SPATA16: variants seen among roughly 807,000 people sequenced by gnomAD.
SPATA16 encodes spermatogenesis-associated protein 16.
SPATA16 carries 36 observed loss-of-function variants against 63.3 expected under a neutral mutation model. That is an observed-to-expected ratio of 0.57 (90% CI 0.44 to 0.75). The LOEUF (loss-of-function observed/expected upper bound fraction) is 0.75. Among genes scored for constraint, SPATA16 ranks in the 30% least tolerant of loss-of-function variants. SPATA16 has a pLI of 0.00. For missense variants in SPATA16, 646 were observed against 679.3 expected (o/e 0.95, Z 0.54); for synonymous variants, 203 against 216.7 (o/e 0.94, Z 0.56).
intron 4 of SPATA16, among the ~76,000 whole-genome samples, chr3:173,002,081 T>C (rs955415499): frequency 1.3e-5 from 2 of 152,310 alleles, no homozygotes; most frequent in South Asian, 2.1e-4. Flanking sequence ...TGCATAGATA[T>C]TCATTTAATT....
intron 2 of SPATA16, among the ~76,000 whole-genome samples, chr3:173,061,325 A>G (rs1425017057): frequency 6.6e-6 from 1 of 152,230 alleles, no homozygotes; most frequent in Non-Finnish European, 1.5e-5. Context: ...TCTAGTTGCA[A>G]GGGTCCTGTG....
chr3:173,134,645 G>A (rs1738490536), intron 1 of SPATA16, among the ~76,000 whole-genome samples: 1 of 152,062 alleles, frequency 6.6e-6, no homozygotes, highest in Non-Finnish European at 1.5e-5. Context: ...ATGTTTCCTG[G>A]ACTTCCCAGC....
At chr3:173,126,355 G>A (rs947684839) in intron 1 of SPATA16, among the ~76,000 whole-genome samples, 1 of 152,180 alleles carries the variant, frequency 6.6e-6, no homozygotes, top group Non-Finnish European at 1.5e-5. Flanking sequence ...TGGAAGTAGA[G>A]GAAGTAATGT....
At chr3:173,104,599 A>T (rs781523985) in intron 2 of SPATA16, among the ~76,000 whole-genome samples, 2 of 152,084 alleles carry the variant, frequency 1.3e-5, no homozygotes, top group African/African-American at 2.4e-5. Context: ...AAATAACCAG[A>T]TCTCTTGAGA....
At chr3:173,107,898 A>G (rs888262048) in intron 2 of SPATA16, among the ~76,000 whole-genome samples, 5 of 152,296 alleles carry the variant, frequency 3.3e-5, no homozygotes, top group Middle Eastern at 3.4e-3. Context: ...AGTCAGAATC[A>G]TCTGACTTAA....
intron 2 of SPATA16, among the ~76,000 whole-genome samples, chr3:173,112,644 T>C (rs1315430974): frequency 6.6e-6 from 1 of 152,234 alleles, no homozygotes; most frequent in Non-Finnish European, 1.5e-5. Flanking sequence ...ATGTAAAATA[T>C]AGTAGCTGGC....
chr3:173,015,861 GGTGTGTGTGTGT>G (rs57049586), intron 4 of SPATA16, among the ~76,000 whole-genome samples: 1 of 148,846 alleles, frequency 6.7e-6, no homozygotes, highest in Non-Finnish European at 1.5e-5. Flanking sequence ...TCCCAAATGG[GGTGTGTGTGTGT>G]GTGTGTGTGT....
chr3:173,090,859 A>C (rs1737204105), intron 2 of SPATA16, among the ~76,000 whole-genome samples: 2 of 152,202 alleles, frequency 1.3e-5, no homozygotes, highest in Non-Finnish European at 2.9e-5. Context: ...ATGGGACCAG[A>C]AGAGTGGCAA....
chr3:173,012,149 G>A (rs926807949), intron 4 of SPATA16, among the ~76,000 whole-genome samples: 6 of 152,078 alleles, frequency 3.9e-5, no homozygotes, highest in Non-Finnish European at 5.9e-5. Context: ...TAATGTTCAA[G>A]CTCAGAGTCA....
intron 2 of SPATA16, among the ~76,000 whole-genome samples, chr3:173,103,101 G>A (rs1188595649): frequency 1.3e-5 from 2 of 152,240 alleles, no homozygotes; most frequent in African/African-American, 2.4e-5. Context: ...CCCAATATAA[G>A]GGGTGGGCTC....
intron 3 of SPATA16, among the ~76,000 whole-genome samples, chr3:173,041,831 A>T (rs1678914109): frequency 6.6e-6 from 1 of 152,102 alleles, no homozygotes; most frequent in Non-Finnish European, 1.5e-5. Flanking sequence ...GAGGGATAGC[A>T]TTAGGAGATA....
At chr3:173,079,724 TC>T (rs1736882954) in intron 2 of SPATA16, among the ~76,000 whole-genome samples, 1 of 152,158 alleles carries the variant, frequency 6.6e-6, no homozygotes, top group African/African-American at 2.4e-5. Flanking sequence ...TAAACTAAAA[TC>T]ACTCTAATTT....
chr3:173,116,157 G>T (rs569379684), intron 2 of SPATA16, among the ~76,000 whole-genome samples: 9 of 152,250 alleles, frequency 5.9e-5, no homozygotes, highest in African/African-American at 1.4e-4. Flanking sequence ...TTCCCAAAGT[G>T]CTGGGACTAC....
chr3:173,061,245 A>G (rs1369151101), intron 2 of SPATA16, among the ~76,000 whole-genome samples: 1 of 152,244 alleles, frequency 6.6e-6, no homozygotes, highest in African/African-American at 2.4e-5. Context: ...GATACTAACT[A>G]GGGGATAAAA....
At chr3:172,982,473 G>A (rs1188792780) in intron 4 of SPATA16, among the ~76,000 whole-genome samples, 1 of 152,172 alleles carries the variant, frequency 6.6e-6, no homozygotes, top group East Asian at 1.9e-4. Context: ...TCAGTCATAT[G>A]TCAGCAGTTA....
intron 1 of SPATA16, among the ~76,000 whole-genome samples, chr3:173,120,098 AAAAG>A (rs1316464299): frequency 6.6e-6 from 1 of 151,936 alleles, no homozygotes. Context: ...AAAAAAAAAA[AAAAG>A]AGAGAGAAAA....
intron 5 of SPATA16, among the ~76,000 whole-genome samples, chr3:172,960,424 C>T (rs1469679074): frequency 1.1e-4 from 16 of 152,132 alleles, no homozygotes. Context: ...AAGTGTTTAC[C>T]TTTGGGAGTT....
At chr3:173,023,722 A>G (rs1172419388) in intron 3 of SPATA16, among the ~76,000 whole-genome samples, 2 of 151,644 alleles carry the variant, frequency 1.3e-5, no homozygotes, top group Non-Finnish European at 3.0e-5. Flanking sequence ...TAGAAGTTTT[A>G]CTAATTACTT....
intron 1 of SPATA16, among the ~76,000 whole-genome samples, chr3:173,139,583 TATTC>T (rs1270052171): frequency 1.3e-5 from 2 of 152,208 alleles, no homozygotes; most frequent in African/African-American, 4.8e-5. Context: ...TTGGGGTACC[TATTC>T]ATTTATTTCA....
Sources: allele counts gnomAD v4.1 joint callset (sites outside exome capture counted in the v4.1 genomes callset), GRCh38; gene constraint gnomAD v4.1.1; transcripts MANE v1.5; gene names NCBI Gene and HGNC (gene_info 2026-07-23, HGNC 2026-07-21).